The following EEFSEC variants were observed in gnomAD, a reference collection of about 807,000 sequenced individuals.
EEFSEC encodes eukaryotic elongation factor, selenocysteine-tRNA specific.
EEFSEC carries 43 observed loss-of-function variants against 42.1 expected under a neutral mutation model. The observed-to-expected ratio is 1.02, with a 90% confidence interval of 0.80 to 1.32. The LOEUF (loss-of-function observed/expected upper bound fraction) is 1.32, where lower values mean the gene tolerates loss of function less well. Among genes scored for constraint, EEFSEC ranks in the 40% most tolerant of loss-of-function variants. The probability of loss-of-function intolerance (pLI) is 0.00; values close to 1 mark genes in which losing one functional copy is unlikely to be tolerated. For missense variants in EEFSEC, 745 were observed against 803.6 expected, an observed-to-expected ratio of 0.93 and a Z score of 0.88; for synonymous variants, 354 against 339.1, an observed-to-expected ratio of 1.04 and a Z score of -0.48.
chr3:128,267,652 A>G (rs934895141), intron 4 of EEFSEC, among the ~76,000 whole-genome samples: 2 of 152,214 alleles, frequency 1.3e-5, no homozygotes, highest in Non-Finnish European at 2.9e-5. Flanking sequence ...GTCCCTCTAG[A>G]TTGCAAAGGA....
chr3:128,285,574 C>T (rs1465301430), intron 4 of EEFSEC, among the ~76,000 whole-genome samples: 1 of 152,148 alleles, frequency 6.6e-6, no homozygotes, highest in Non-Finnish European at 1.5e-5. Flanking sequence ...TTCCTCTGTC[C>T]AGCCTGCAGG....
intron 1 of EEFSEC, among the ~76,000 whole-genome samples, chr3:128,236,421 G>A (rs1431324450): frequency 2.0e-5 from 3 of 152,186 alleles, no homozygotes; most frequent in Non-Finnish European, 2.9e-5. Context: ...AATGGCGGGG[G>A]GCGGGGGTGG....
chr3:128,242,901 A>G (rs2107890717), intron 1 of EEFSEC, among the ~76,000 whole-genome samples: 1 of 152,298 alleles, frequency 6.6e-6, no homozygotes, highest in African/African-American at 2.4e-5. Flanking sequence ...ATGTCCCTCT[A>G]GTCTCAGAGC....
chr3:128,222,015 T>G (rs1316964128), intron 1 of EEFSEC, among the ~76,000 whole-genome samples: 3 of 151,132 alleles, frequency 2.0e-5, no homozygotes, highest in African/African-American at 7.3e-5. Flanking sequence ...TCTTCGTGTG[T>G]TTTTTCAAAG....
chr3:128,401,797 A>G (rs1576706949), intron 6 of EEFSEC, among the ~76,000 whole-genome samples: 1 of 151,986 alleles, frequency 6.6e-6, no homozygotes, highest in African/African-American at 2.4e-5. Context: ...CTGCGCCCAC[A>G]CCTCCCAGTC....
chr3:128,398,946 A>G (rs1010071820), intron 6 of EEFSEC, among the ~76,000 whole-genome samples: 2 of 152,172 alleles, frequency 1.3e-5, no homozygotes, highest in African/African-American at 4.8e-5. Context: ...TGGTCCAGCC[A>G]GTCCCAGAGG....
intron 4 of EEFSEC, among the ~76,000 whole-genome samples, chr3:128,327,449 ATACATCT>A (rs1287967324): frequency 6.6e-6 from 1 of 152,184 alleles, no homozygotes; most frequent in Non-Finnish European, 1.5e-5. Context: ...AATATACTTT[ATACATCT>A]GTCTCCCCAG....
intron 1 of EEFSEC, 129 bp downstream of exon 1, chr3:128,153,952 C>T (rs1329335112): frequency 5.3e-6 from 7 of 1,327,254 alleles, no homozygotes; most frequent in Non-Finnish European, 5.9e-6. Context: ...GCTCCTGACG[C>T]CCCAAGAGGC....
chr3:128,330,104 C>T (rs1304281852), intron 4 of EEFSEC, among the ~76,000 whole-genome samples: 4 of 152,208 alleles, frequency 2.6e-5, no homozygotes, highest in African/African-American at 9.7e-5. Flanking sequence ...CAGAAGAATC[C>T]AGCATTGCTG....
chr3:128,422,611 C>T, the EEFSEC span, among the ~76,000 whole-genome samples: 1 of 152,252 alleles, frequency 6.6e-6, no homozygotes, highest in African/African-American at 2.4e-5. Context: ...CCGTGGCTGG[C>T]CCTGGCCCAT....
intron 4 of EEFSEC, among the ~76,000 whole-genome samples, chr3:128,311,162 C>T (rs1358564480): frequency 6.6e-6 from 1 of 152,238 alleles, no homozygotes; most frequent in Non-Finnish European, 1.5e-5. Flanking sequence ...GAGATTCCCT[C>T]TAATTGCATG....
intron 4 of EEFSEC, among the ~76,000 whole-genome samples, chr3:128,265,815 A>G (rs781283057): frequency 5.3e-5 from 8 of 152,268 alleles, no homozygotes; most frequent in African/African-American, 1.9e-4. Flanking sequence ...AGATACAGAT[A>G]TCTAGGTATC....
intron 6 of EEFSEC, among the ~76,000 whole-genome samples, chr3:128,390,247 TCTC>T (rs1300119471): frequency 6.6e-6 from 1 of 152,182 alleles, no homozygotes; most frequent in Admixed American, 6.5e-5. Context: ...TGCAGTCACT[TCTC>T]CTCATTCATC....
chr3:128,259,811 G>A (rs2066279668), intron 2 of EEFSEC, among the ~76,000 whole-genome samples: 1 of 152,168 alleles, frequency 6.6e-6, no homozygotes, highest in African/African-American at 2.4e-5. Flanking sequence ...CCACACTGAA[G>A]TATGTATTGA....
intron 1 of EEFSEC, among the ~76,000 whole-genome samples, chr3:128,212,379 T>C (rs569061987): frequency 6.6e-6 from 1 of 152,310 alleles, no homozygotes; most frequent in Non-Finnish European, 1.5e-5. Context: ...CCAGCCACCA[T>C]GCTTCTGCTG....
At chr3:128,309,111 TTGTTCACGAGAGG>T (rs1665947804) in intron 4 of EEFSEC, among the ~76,000 whole-genome samples, 1 of 152,230 alleles carries the variant, frequency 6.6e-6, no homozygotes, top group African/African-American at 2.4e-5. Context: ...GAAGGTTTAT[TTGTTCACGAGAGG>T]GTGATGGAAC....
intron 6 of EEFSEC, among the ~76,000 whole-genome samples, chr3:128,374,163 A>T (rs2067684375): frequency 6.6e-6 from 1 of 152,270 alleles, no homozygotes; most frequent in South Asian, 2.1e-4. Context: ...CCAGCACCTG[A>T]AGATGCACCA....
intron 1 of EEFSEC, among the ~76,000 whole-genome samples, chr3:128,215,171 C>T (rs965158089): frequency 1.4e-4 from 22 of 152,124 alleles, no homozygotes; most frequent in African/African-American, 5.3e-4. Context: ...CTCAGCAACC[C>T]TAATTGGTTC....
intron 5 of EEFSEC, among the ~76,000 whole-genome samples, chr3:128,354,778 G>A (rs561481521): frequency 2.7e-4 from 41 of 152,314 alleles, no homozygotes; most frequent in Middle Eastern, 3.4e-3. Context: ...AAAGAAAGGA[G>A]GGGGCAGGGG....
Sources: allele counts gnomAD v4.1 joint callset (sites outside exome capture counted in the v4.1 genomes callset), GRCh38; gene constraint gnomAD v4.1.1; transcripts MANE v1.5; gene names NCBI Gene and HGNC (gene_info 2026-07-23, HGNC 2026-07-21).